The following CARD8 variants were observed in gnomAD, a reference collection of about 807,000 sequenced individuals.
The protein encoded by CARD8 is caspase recruitment domain-containing protein 8.
CARD8 carries 38 observed loss-of-function variants against 53.2 expected under a neutral mutation model. That is an observed-to-expected ratio of 0.71 (90% confidence interval 0.55 to 0.94). CARD8 has a LOEUF of 0.94. Ranked by LOEUF, CARD8 falls within the 40% of genes least tolerant of loss-of-function variation. CARD8 has a pLI of 0.00. For missense variants in CARD8, 561 were observed against 655.5 expected (o/e 0.86, Z 1.57); for synonymous variants, 245 against 244.9 (o/e 1.00, Z 0.00).
At chr19:48,221,173 T>C (rs2040560002) in intron 11 of CARD8, among the ~76,000 whole-genome samples, 2 of 152,104 alleles carry the variant, frequency 1.3e-5, no homozygotes, top group Admixed American at 1.3e-4. Flanking sequence ...ACCATATGAA[T>C]GGAAAGACTT....
chr19:48,207,734 G>GTTTTTT (rs758903014), downstream of CARD8, among the ~76,000 whole-genome samples: 1 of 116,550 alleles, frequency 8.6e-6, no homozygotes, highest in African/African-American at 3.7e-5. Flanking sequence ...TTGTTTTTCT[G>GTTTTTT]TTTTTTTTTT....
chr19:48,212,023 G>A, intron 13 of CARD8, 48 bp from the exon 14 acceptor site: 1 of 1,572,894 alleles, frequency 6.4e-7, no homozygotes, highest in South Asian at 1.2e-5. Context: ...TCACTTACAG[G>A]ATTCAGGATC....
At chr19:48,246,505 G>A (rs73578895) in intron 3 of CARD8, among the ~76,000 whole-genome samples, 7,847 of 152,050 alleles carry the variant, frequency 0.052, 671 homozygotes, top group African/African-American at 0.18. Context: ...CATGTATACC[G>A]AACTGTGCCT....
At chr19:48,223,107 C>T (rs540840669) in intron 10 of CARD8, among the ~76,000 whole-genome samples, 48 of 152,162 alleles carry the variant, frequency 3.2e-4, no homozygotes, top group South Asian at 2.1e-3. Context: ...AGTTCGAGAC[C>T]AGACTGGACA....
In CARD8 at chr19:48,215,393, G is replaced by C. The variant is rs376558274; in HGVS notation, c.1304-9C>G. On this transcript the variant is annotated splice_polypyrimidine_tract_variant and intron_variant, in intron 12 of 13. Coordinates refer to ENST00000651546, the MANE Select transcript of CARD8 (RefSeq NM_001184900.3). ...TACAAGCTGGAGATCCACTACAAAAGAGGGAAAAATTATATGATGAGATGA... is the reference window on the plus strand; with the variant it reads ...TACAAGCTGGAGATCCACTACAAAACAGGGAAAAATTATATGATGAGATGA... 1.2e-6 allele frequency: 2 copies of C among 1,601,978 alleles called. No individual in the cohort carries two copies. The highest frequency in any genetic ancestry group is 1.7e-6 in the Non-Finnish European group (2 of 1,169,362).
At chr19:48,216,837 T>C (rs181052954) in intron 12 of CARD8, among the ~76,000 whole-genome samples, 1 of 152,302 alleles carries the variant, frequency 6.6e-6, no homozygotes, top group East Asian at 1.9e-4. Context: ...CTCAGGATGA[T>C]TCAAGTGCAA....
downstream of CARD8, among the ~76,000 whole-genome samples, chr19:48,205,388 C>A (rs991378875): frequency 6.6e-5 from 10 of 152,140 alleles, no homozygotes; most frequent in Non-Finnish European, 1.2e-4. Context: ...CACCACCACG[C>A]CCGGCTAATT....
chr19:48,221,907 G>A, intron 10 of CARD8, 52 bp from the exon 11 acceptor site: 1 of 1,498,426 alleles, frequency 6.7e-7, no homozygotes, highest in South Asian at 1.3e-5. Flanking sequence ...AGTAAAGCAA[G>A]TAGTGGCATA....
In CARD8 at chr19:48,211,467, A is replaced by G. The variant is rs567932613; in HGVS notation, c.*243T>C. On this transcript the variant is annotated 3_prime_UTR_variant, in exon 14 of 14. Coordinates refer to ENST00000651546, the MANE Select transcript of CARD8 (RefSeq NM_001184900.3). ...CAATGGATAAAATAGTGATATATCA[A>G]GCAATGGTTGGAAAAAATTTAAAAG... is the stretch of plus-strand genomic sequence containing the variant. 8.9e-5 allele frequency: 42 copies of G among 470,632 alleles called. 1 individual carries two copies. The Middle Eastern group carries it at 1.8e-3, about 20-fold the overall frequency. The allele number at this position is 470,632 out of a possible 1,614,324, so 29.2% of individuals were successfully genotyped here. A position where few individuals can be genotyped will look rare whatever the true frequency, so the allele number is the denominator to read the frequency against.
chr19:48,229,193 A>C (rs982087249), intron 10 of CARD8, among the ~76,000 whole-genome samples: 1 of 152,172 alleles, frequency 6.6e-6, no homozygotes, highest in African/African-American at 2.4e-5. Flanking sequence ...TGGGTTTCAG[A>C]GGAAAGAAAT....
chr19:48,234,019 T>C (rs775326416), intron 6 of CARD8: 1 of 166,258 alleles, frequency 6.0e-6, no homozygotes, highest in Non-Finnish European at 1.3e-5. Flanking sequence ...GAAATTGGCA[T>C]ACCCTACAAA....
intron 5 of CARD8, among the ~76,000 whole-genome samples, chr19:48,236,370 AC>A (rs34483801): frequency 0.038 from 5,749 of 151,980 alleles, 351 homozygotes; most frequent in African/African-American, 0.12. Flanking sequence ...GCACCAGCAC[AC>A]CCGGTTAATT....
Position 48,232,299 on chromosome 19 carries a change from G to C in CARD8, c.391+154C>G, listed in dbSNP as rs559959418. On this transcript the variant is annotated intron_variant, in intron 7 of 13. Transcript: ENST00000651546. ...TGCCCCAGCAGTGACAGGCTTACAT[G>C]TCCCCATTTAAACTGCACAGTGCAC... Among the ~76,000 whole-genome samples, 207 of 152,282 alleles carry C rather than the reference G, an allele frequency of 1.4e-3. 1 individual carries two copies. Among genetic ancestry groups the C allele is most frequent in the African/African-American group, 4.9e-3 (204 of 41,564 alleles).
At chr19:48,235,248 T>C (rs2043665976) in intron 5 of CARD8, among the ~76,000 whole-genome samples, 1 of 152,170 alleles carries the variant, frequency 6.6e-6, no homozygotes, top group South Asian at 2.1e-4. Flanking sequence ...GAATCAAGAT[T>C]GAGGTTAGGA....
intron 5 of CARD8, among the ~76,000 whole-genome samples, chr19:48,235,504 G>T (rs1432574772): frequency 1.3e-5 from 2 of 152,186 alleles, no homozygotes; most frequent in African/African-American, 2.4e-5. Context: ...GAAACTAAAA[G>T]AATTTTTCTG....
intron 11 of CARD8, among the ~76,000 whole-genome samples, chr19:48,221,278 A>T (rs111993199): frequency 4.6e-5 from 7 of 152,358 alleles, no homozygotes; most frequent in African/African-American, 1.4e-4. Flanking sequence ...GCTACATGGC[A>T]TATCATGTCC....
At chr19:48,245,395 T>C (rs1286913792) in intron 3 of CARD8, among the ~76,000 whole-genome samples, 3 of 152,060 alleles carry the variant, frequency 2.0e-5, no homozygotes, top group Admixed American at 6.6e-5. Flanking sequence ...GTATTTTTAG[T>C]AGAGATGGGG....
intron 11 of CARD8, among the ~76,000 whole-genome samples, chr19:48,220,727 C>T (rs1487844530): frequency 3.3e-5 from 5 of 151,968 alleles, no homozygotes; most frequent in South Asian, 4.2e-4. Context: ...GCCTGGCCAA[C>T]ATGGTGAAAC....
chr19:48,245,970 C>T (rs1489974276), intron 3 of CARD8, among the ~76,000 whole-genome samples: 1 of 151,118 alleles, frequency 6.6e-6, no homozygotes, highest in Non-Finnish European at 1.5e-5. Flanking sequence ...GTTAGCATAT[C>T]ATACCATTAC....
Sources: allele counts gnomAD v4.1 joint callset (sites outside exome capture counted in the v4.1 genomes callset), GRCh38; gene constraint gnomAD v4.1.1; transcripts MANE v1.5; gene names NCBI Gene and HGNC (gene_info 2026-07-23, HGNC 2026-07-21).